CACNG5: variants seen among roughly 807,000 people sequenced by gnomAD.
CACNG5 encodes voltage-dependent calcium channel gamma-5 subunit.
CACNG5 carries 18 observed loss-of-function variants against 24.8 expected under a neutral mutation model. That is an observed-to-expected ratio of 0.73 (90% CI 0.50 to 1.08). CACNG5 has a LOEUF of 1.08. Among genes scored for constraint, CACNG5 ranks in the 50% least tolerant of loss-of-function variants. CACNG5 has a pLI of 0.00. For missense variants in CACNG5, 349 were observed against 367.9 expected, an observed-to-expected ratio of 0.95 and a Z score of 0.42; for synonymous variants, 157 against 149.1, an observed-to-expected ratio of 1.05 and a Z score of -0.39.
rs141659427 is a variant in CACNG5, at chr17:66,887,874, C to G, written c.*2634C>G. Among the ~76,000 whole-genome samples, 167 of 152,284 alleles carry G rather than the reference C, an allele frequency of 1.1e-3. No individual in the cohort carries two copies. Among genetic ancestry groups the G allele is most frequent in the African/African-American group, 3.6e-3 (150 of 41,554 alleles). ...TGGGTGCATGTGTCAATAATCACAT[C>G]ACCATCACAATTTCCTTTCTGTCTA... is the stretch of plus-strand genomic sequence containing the variant. On this transcript the variant is annotated 3_prime_UTR_variant, in exon 6 of 6. Transcript: ENST00000533854.
At chr17:66,865,786 T>G (rs1976920317) in intron 1 of CACNG5, among the ~76,000 whole-genome samples, 1 of 148,824 alleles carries the variant, frequency 6.7e-6, no homozygotes, top group Non-Finnish European at 1.5e-5. Context: ...CCCACCACCA[T>G]GCACGGCTAA....
intron 1 of CACNG5, among the ~76,000 whole-genome samples, chr17:66,863,995 C>T (rs188016171): frequency 1.2e-4 from 19 of 152,220 alleles, no homozygotes; most frequent in Admixed American, 2.6e-4. Flanking sequence ...TTGATATGTC[C>T]GGTAACTTTT....
chr17:66,862,225 G>C (rs1419951991), intron 1 of CACNG5, among the ~76,000 whole-genome samples: 2 of 152,146 alleles, frequency 1.3e-5, no homozygotes, highest in East Asian at 1.9e-4. Context: ...GTTGGAAAAA[G>C]GCAGAATTTT....
chr17:66,841,586 C>T (rs1051312341), intron 1 of CACNG5, among the ~76,000 whole-genome samples: 2 of 152,106 alleles, frequency 1.3e-5, no homozygotes, highest in African/African-American at 2.4e-5. Flanking sequence ...CAAGGAGAGC[C>T]GGGCAGGACA....
At chr17:66,840,759 A>G (rs1976554906) in intron 1 of CACNG5, among the ~76,000 whole-genome samples, 1 of 152,152 alleles carries the variant, frequency 6.6e-6, no homozygotes, top group Non-Finnish European at 1.5e-5. Context: ...TTGGGGATGG[A>G]CCGCAGTGAC....
chr17:66,836,272 A>T (rs930150636), intron 1 of CACNG5, among the ~76,000 whole-genome samples: 1 of 152,174 alleles, frequency 6.6e-6, no homozygotes, highest in Non-Finnish European at 1.5e-5. Flanking sequence ...AGTTTGACAG[A>T]TGTCACATAC....
At chr17:66,836,538 C>A (rs913736977) in intron 1 of CACNG5, among the ~76,000 whole-genome samples, 1 of 152,196 alleles carries the variant, frequency 6.6e-6, no homozygotes. Context: ...GTAGCCAGCC[C>A]CTCATGCCGA....
At chr17:66,867,437 G>A (rs1410458697) in intron 1 of CACNG5, among the ~76,000 whole-genome samples, 1 of 152,174 alleles carries the variant, frequency 6.6e-6, no homozygotes, top group African/African-American at 2.4e-5. Context: ...TCACTTTGAT[G>A]ATAGTTTCTT....
At position 66,887,004 on chromosome 17, in the gene CACNG5, C is replaced by A. The variant is rs1399714075; in HGVS notation, c.*1764C>A. Among the ~76,000 whole-genome samples the A allele has an allele frequency of 6.6e-6, 1 of 152,160 alleles. No homozygotes were observed. Among genetic ancestry groups the A allele is most frequent in the Non-Finnish European group, 1.5e-5 (1 of 68,036 alleles). ...CCAGTCAGATTGGATTCGGGTCCAT[C>A]CCCGATTAATTGGTGGTTAATTTTC... On this transcript the variant is annotated 3_prime_UTR_variant, in exon 6 of 6. Coordinates refer to ENST00000533854, the MANE Select transcript of CACNG5 (RefSeq NM_145811.3).
Position 66,880,733 on chromosome 17 carries a change from A to ATTTTTTG in CACNG5, c.424+56_424+62dup, listed in dbSNP as rs759064466. 17 of 1,603,754 alleles carry ATTTTTTG rather than the reference A, an allele frequency of 1.1e-5. No individual in the cohort carries two copies. The East Asian group carries it at 2.5e-4, about 23-fold the overall frequency. On this transcript the variant is annotated intron_variant, in intron 4 of 5. Coordinates refer to ENST00000533854, the MANE Select transcript of CACNG5 (RefSeq NM_145811.3). ...TTGTTTTCTTTTCTTGCACCCTGGA[A>ATTTTTTG]TTTTTTGTTTTTTGTTTTTTGTTTT...
intron 1 of CACNG5, among the ~76,000 whole-genome samples, chr17:66,837,486 T>C (rs1976497093): frequency 6.6e-6 from 1 of 152,200 alleles, no homozygotes; most frequent in African/African-American, 2.4e-5. Flanking sequence ...TGCTCTGTCA[T>C]CTTCTTCTGA....
At position 66,891,730 on chromosome 17, in the gene CACNG5, G is replaced by A. The variant is rs1360731157; in HGVS notation, c.*6490G>A. On this transcript the variant is annotated 3_prime_UTR_variant, in exon 6 of 6. Transcript: ENST00000533854. ...TCCCACCATCTCAGATGTGAGGAGTGTCAGAGTTCCATTGTGAGGAACACA... is the reference window on the plus strand; with the variant it reads ...TCCCACCATCTCAGATGTGAGGAGTATCAGAGTTCCATTGTGAGGAACACA... Among the ~76,000 whole-genome samples, 1 of 152,224 alleles carries A rather than the reference G, an allele frequency of 6.6e-6. No homozygotes were observed. Among genetic ancestry groups the A allele is most frequent in the Non-Finnish European group, 1.5e-5 (1 of 68,044 alleles).
At chr17:66,851,752 G>A (rs1976711777) in intron 1 of CACNG5, among the ~76,000 whole-genome samples, 1 of 152,198 alleles carries the variant, frequency 6.6e-6, no homozygotes, top group Admixed American at 6.5e-5. Flanking sequence ...AGACCAAAAT[G>A]ATATGTGGGA....
rs774917689 is a variant in CACNG5 at position 66,886,628 on chromosome 17, C to T, written c.*1388C>T. On this transcript the variant is annotated 3_prime_UTR_variant, in exon 6 of 6. Transcript: ENST00000533854. ...CTCTCTCCTTGCCCTCTTTAAGACGCCGCTAGGTTCTGAGAACAGAAAGCC... is the reference window on the plus strand; with the variant it reads ...CTCTCTCCTTGCCCTCTTTAAGACGTCGCTAGGTTCTGAGAACAGAAAGCC... Among the ~76,000 whole-genome samples the T allele has an allele frequency of 6.6e-6, 1 of 152,200 alleles. No homozygotes were observed. The highest frequency in any genetic ancestry group is 1.5e-5 in the Non-Finnish European group (1 of 68,042).
intron 4 of CACNG5, among the ~76,000 whole-genome samples, chr17:66,884,006 C>T (rs1977205559): frequency 6.6e-6 from 1 of 152,084 alleles, no homozygotes; most frequent in Non-Finnish European, 1.5e-5. Context: ...GTGGCAGGCA[C>T]CTGTAATCCC....
At chr17:66,849,367 C>T (rs1976681602) in intron 1 of CACNG5, among the ~76,000 whole-genome samples, 1 of 151,900 alleles carries the variant, frequency 6.6e-6, no homozygotes, top group South Asian at 2.1e-4. Context: ...GGCCAGCAGG[C>T]CCGATGGAGC....
At chr17:66,874,952 A>G (rs740805) in intron 1 of CACNG5, among the ~76,000 whole-genome samples, 24,491 of 152,032 alleles carry the variant, frequency 0.16, 2,563 homozygotes, top group East Asian at 0.52. Context: ...TTGGCTAACT[A>G]CTATTAATAT....
chr17:66,847,890 C>T (rs779511215), intron 1 of CACNG5, among the ~76,000 whole-genome samples: 1 of 152,218 alleles, frequency 6.6e-6, no homozygotes, highest in Non-Finnish European at 1.5e-5. Flanking sequence ...AGATGCACAG[C>T]ACCAAGGCCA....
intron 1 of CACNG5, among the ~76,000 whole-genome samples, chr17:66,859,239 A>G (rs142880263): frequency 5.2e-4 from 79 of 152,154 alleles, no homozygotes; most frequent in African/African-American, 1.7e-3. Context: ...TAGCTGGTAC[A>G]TCATTTCTCT....
Sources: allele counts gnomAD v4.1 joint callset (sites outside exome capture counted in the v4.1 genomes callset), GRCh38; gene constraint gnomAD v4.1.1; transcripts MANE v1.5; gene names NCBI Gene and HGNC (gene_info 2026-07-23, HGNC 2026-07-21).